The following PKD1L1 variants were observed in gnomAD, a reference collection of about 807,000 sequenced individuals.
The protein encoded by PKD1L1 is polycystin-1-like protein 1.
PKD1L1 carries 236 observed loss-of-function variants against 323.4 expected under a neutral mutation model. The ratio of observed to expected loss-of-function variants is 0.73; its 90% CI spans 0.66 to 0.81. The LOEUF (loss-of-function observed/expected upper bound fraction) is 0.81, where lower values mean the gene tolerates loss of function less well. PKD1L1 is among the 40% of genes least tolerant of loss of function. PKD1L1 has a pLI of 0.00. For synonymous variants in PKD1L1, 1,344 were observed against 1,335.0 expected, an observed-to-expected ratio of 1.01 and a Z score of -0.15; for missense variants, 3,320 against 3,508.0, an observed-to-expected ratio of 0.95 and a Z score of 1.35.
At chr7:47,875,193 A>G (rs1477653327) in intron 23 of PKD1L1, among the ~76,000 whole-genome samples, 1 of 152,236 alleles carries the variant, frequency 6.6e-6, no homozygotes, top group Non-Finnish European at 1.5e-5. Flanking sequence ...GAAGATCTCA[A>G]AATGCCCTGC....
intron 25 of PKD1L1, among the ~76,000 whole-genome samples, chr7:47,865,601 T>TTTTATTTTATTTTA (rs1562964560): frequency 1.7e-5 from 1 of 57,308 alleles, no homozygotes; most frequent in African/African-American, 1.5e-4. Context: ...ATTTTATTTT[T>TTTTATTTTATTTTA]TTGAGACGGA....
intron 37 of PKD1L1, 94 bp downstream of exon 37, chr7:47,836,827 G>C: frequency 7.1e-7 from 1 of 1,413,444 alleles, no homozygotes; most frequent in Non-Finnish European, 9.6e-7. Context: ...AACTTTTCTC[G>C]GAGAACTGTG....
intron 25 of PKD1L1, among the ~76,000 whole-genome samples, chr7:47,865,600 T>TATTTTA (rs74763880): frequency 2.7e-5 from 4 of 150,772 alleles, no homozygotes; most frequent in African/African-American, 7.4e-5. Context: ...TATTTTATTT[T>TATTTTA]TTTGAGACGG....
At chr7:47,809,612 G>T (rs767337747) in intron 50 of PKD1L1, 35 bp from the exon 51 acceptor site, 2 of 1,459,802 alleles carry the variant, frequency 1.4e-6, no homozygotes, top group African/African-American at 1.4e-5. Flanking sequence ...AAGATCAATA[G>T]GAATGCTGAT....
intron 14 of PKD1L1, among the ~76,000 whole-genome samples, chr7:47,896,699 G>A (rs1194968225): frequency 6.6e-6 from 1 of 152,172 alleles, no homozygotes; most frequent in South Asian, 2.1e-4. Context: ...GGAAAATGAA[G>A]AGCAGCCTCA....
chr7:47,843,696 G>A (rs528249245), intron 33 of PKD1L1, among the ~76,000 whole-genome samples: 1 of 152,168 alleles, frequency 6.6e-6, no homozygotes, highest in East Asian at 1.9e-4. Flanking sequence ...CTGTTCCCAG[G>A]CACCAACACT....
intron 31 of PKD1L1, among the ~76,000 whole-genome samples, chr7:47,851,016 A>G (rs1271595379): frequency 1.3e-5 from 2 of 152,194 alleles, no homozygotes; most frequent in Non-Finnish European, 2.9e-5. Context: ...TGAACACACA[A>G]TGGGAGAAAG....
Position 47,931,985 on chromosome 7 carries a change from C to G in PKD1L1, c.470G>C (p.Arg157Pro), listed in dbSNP as rs777655897. Residue 157 changes from arginine to proline, a missense_variant, in exon 5 of 57, where the codon CGG becomes CCG. Physicochemically the swap from Arg to Pro is moderately radical, Grantham distance 103. Coordinates refer to ENST00000289672, the MANE Select transcript of PKD1L1 (RefSeq NM_138295.5). Reference sequence around the variant, plus strand: ...GTCTGCGGTCCCAGTAGCACACAGCCGCCTGTGATGGAACCTGGGGCCACC... The same window carrying G: ...GTCTGCGGTCCCAGTAGCACACAGCGGCCTGTGATGGAACCTGGGGCCACC... ...SSGGPRFHHRRLCATGTADST... is the reference protein window; with the variant it reads ...SSGGPRFHHRPLCATGTADST... 2.5e-6 allele frequency: 4 copies of G among 1,614,014 alleles called. No individual in the cohort carries two copies. Among genetic ancestry groups the G allele is most frequent in the South Asian group, 1.1e-5 (1 of 91,078 alleles).
At chr7:47,939,680 C>T (rs953969881) in intron 3 of PKD1L1, among the ~76,000 whole-genome samples, 1 of 152,190 alleles carries the variant, frequency 6.6e-6, no homozygotes, top group African/African-American at 2.4e-5. Context: ...TCAACGAGCT[C>T]CCCACACTGC....
intron 56 of PKD1L1, among the ~76,000 whole-genome samples, chr7:47,778,538 A>C (rs894300209): frequency 6.6e-6 from 1 of 152,324 alleles, no homozygotes; most frequent in African/African-American, 2.4e-5. Context: ...GATGAAGAAA[A>C]CATTTTCCCT....
chr7:47,833,281 A>C, intron 40 of PKD1L1, 29 bp from the exon 41 acceptor site: 1 of 1,604,676 alleles, frequency 6.2e-7, no homozygotes, highest in Non-Finnish European at 8.5e-7. Flanking sequence ...GCCAAGGTTA[A>C]TATCTCCACA....
chr7:47,878,459 A>C (rs1396680333), intron 21 of PKD1L1, among the ~76,000 whole-genome samples: 1 of 152,204 alleles, frequency 6.6e-6, no homozygotes, highest in African/African-American at 2.4e-5. Context: ...CATCATCCTC[A>C]TCGTAACAGC....
intron 21 of PKD1L1, among the ~76,000 whole-genome samples, chr7:47,879,705 G>A (rs60188859): frequency 0.32 from 41,506 of 129,248 alleles, 8,208 homozygotes; most frequent in African/African-American, 0.52. Context: ...AGGCTGAGAC[G>A]GGCAGATCAC....
intron 21 of PKD1L1, among the ~76,000 whole-genome samples, chr7:47,879,430 G>A (rs372972461): frequency 2.0e-5 from 3 of 151,916 alleles, no homozygotes. Flanking sequence ...TCATGAGTTC[G>A]AGACCAGCCT....
chr7:47,792,865 T>A, intron 55 of PKD1L1, 68 bp from the exon 56 acceptor site: 1 of 1,435,650 alleles, frequency 7.0e-7, no homozygotes, highest in Non-Finnish European at 9.6e-7. Context: ...CCTCATTATG[T>A]GAAGCATTTA....
intron 20 of PKD1L1, among the ~76,000 whole-genome samples, 179 bp from the exon 21 acceptor site, chr7:47,880,984 T>C (rs1786542120): frequency 6.6e-6 from 1 of 151,732 alleles, no homozygotes; most frequent in Non-Finnish European, 1.5e-5. Context: ...ATAAACAGCC[T>C]GTCCTGCCCA....
chr7:47,793,521 C>T (rs6969522), intron 55 of PKD1L1, among the ~76,000 whole-genome samples: 103,689 of 152,160 alleles, frequency 0.68, 35,732 homozygotes, highest in Non-Finnish European at 0.73. Context: ...TTTCACCTCT[C>T]GCCATGATTC....
At position 47,831,206 on chromosome 7, in the gene PKD1L1, C is replaced by G. The variant is rs575926033; in HGVS notation, c.6473+11G>C. ...AGGACCTGAGGATGTTTGAAAAACT[C>G]TACAGCTCACCTGTAGGCTAGAAAT... is the stretch of plus-strand genomic sequence containing the variant. On this transcript the variant is annotated intron_variant, in intron 42 of 56. Coordinates refer to ENST00000289672, the MANE Select transcript of PKD1L1 (RefSeq NM_138295.5). The G allele has an allele frequency of 6.2e-7, 1 of 1,609,170 alleles. No homozygotes were observed. Among genetic ancestry groups the G allele is most frequent in the African/African-American group, 1.3e-5 (1 of 74,784 alleles).
chr7:47,928,448 T>C (rs1244354257), intron 7 of PKD1L1, among the ~76,000 whole-genome samples: 1 of 152,100 alleles, frequency 6.6e-6, no homozygotes, highest in African/African-American at 2.4e-5. Flanking sequence ...TGCACACCTG[T>C]AATCCCAGCT....
Sources: gnomAD v4.1 joint callset for allele counts (sites outside exome capture counted in the v4.1 genomes callset) on GRCh38, gnomAD v4.1.1 for gene constraint, MANE v1.5 for transcripts, NCBI Gene and HGNC (gene_info 2026-07-23, HGNC 2026-07-21) for gene names.